OSER1: variants seen among roughly 807,000 people sequenced by gnomAD.
The protein encoded by OSER1 is oxidative stress-responsive serine-rich protein 1.
Under a neutral mutation model 26.3 loss-of-function variants are expected in OSER1, and 15 were observed. The ratio of observed to expected loss-of-function variants is 0.57; its 90% CI spans 0.38 to 0.88. The LOEUF (loss-of-function observed/expected upper bound fraction) is 0.88. Among genes scored for constraint, OSER1 ranks in the 40% least tolerant of loss-of-function variants. The pLI is 0.00. For missense variants in OSER1, 313 were observed against 353.9 expected (o/e 0.88, Z 0.93); for synonymous variants, 127 against 128.2 (o/e 0.99, Z 0.07).
intron 2 of OSER1, 123 bp downstream of exon 2, chr20:44,206,758 T>C: frequency 1.8e-6 from 1 of 567,206 alleles, no homozygotes; most frequent in Non-Finnish European, 3.2e-6. Context: ...TGTCGCACTA[T>C]TAGCATTTAT....
intron 3 of OSER1, among the ~76,000 whole-genome samples, chr20:44,200,388 A>C (rs1010540469): frequency 2.0e-5 from 3 of 152,180 alleles, no homozygotes; most frequent in Non-Finnish European, 2.9e-5. Flanking sequence ...GAATGTGTCC[A>C]CCAGCCAGGA....
At chr20:44,201,367 G>A (rs2072980217) in intron 3 of OSER1, among the ~76,000 whole-genome samples, 1 of 152,172 alleles carries the variant, frequency 6.6e-6, no homozygotes, top group Non-Finnish European at 1.5e-5. Context: ...ACAGATGATT[G>A]TTATTTACCA....
At chr20:44,203,116 A>C in intron 2 of OSER1, 42 bp from the exon 3 acceptor site, 1 of 1,028,016 alleles carries the variant, frequency 9.7e-7, no homozygotes, top group Non-Finnish European at 1.5e-6. Context: ...AAAACTGTAA[A>C]ATGAGGAGAA....
chr20:44,204,305 A>C (rs949109938), intron 2 of OSER1, among the ~76,000 whole-genome samples: 1 of 152,224 alleles, frequency 6.6e-6, no homozygotes, highest in East Asian at 1.9e-4. Context: ...CAATCCTCAG[A>C]TATCCCATTT....
intron 2 of OSER1, among the ~76,000 whole-genome samples, chr20:44,205,939 CAAAAAAAA>C (rs3037684): frequency 2.8e-5 from 2 of 71,716 alleles, no homozygotes; most frequent in South Asian, 5.0e-4. Flanking sequence ...GAATCCGTCT[CAAAAAAAA>C]AAAAAAAAAA....
chr20:44,197,351 C>G lies in OSER1; in HGVS notation c.580G>C (p.Gly194Arg), dbSNP rs897299819. 5 of 1,614,080 alleles carry G rather than the reference C, an allele frequency of 3.1e-6. No homozygotes were observed. The African/African-American group carries it at 6.7e-5, about 22-fold the overall frequency. ...TTGCCTATGCATGTGCATGGCTTGC[C>G]CTGGTTTAGCTTGGAAACTGATTGA... is the stretch of plus-strand genomic sequence containing the variant. Reference protein sequence around the residue: ...DFQSVSKLNQGKPCTCIGKEC... With the variant: ...DFQSVSKLNQRKPCTCIGKEC... The change falls in exon 4 of 4, where the codon GGC becomes CGC. Residue 194 changes from glycine (G) to arginine (R), a missense_variant. Physicochemically the swap from Gly to Arg is moderately radical, Grantham distance 125. Around this residue, in one of 2 missense-constraint regions of OSER1, gnomAD observed 300 missense variants for 318.3 expected, o/e 0.94. Coordinates refer to ENST00000255174, the MANE Select transcript of OSER1 (RefSeq NM_016470.8).
chr20:44,196,940 A>C lies in OSER1; in HGVS notation c.*112T>G, dbSNP rs2072924738. On this transcript the variant is annotated 3_prime_UTR_variant, in exon 4 of 4. Transcript: ENST00000255174. Reference sequence around the variant, plus strand: ...CAAGAAAAGTTTTTATTGCAAGCACAGTGAGCAGAAAGAGATGTCTTCTCA... The same window carrying C: ...CAAGAAAAGTTTTTATTGCAAGCACCGTGAGCAGAAAGAGATGTCTTCTCA... The C allele has an allele frequency of 1.4e-6, 1 of 723,676 alleles. No homozygotes were observed. The highest frequency in any genetic ancestry group is 2.3e-5 in the Admixed American group (1 of 43,302). The allele number at this position is 723,676 out of a possible 1,614,324, so 44.8% of individuals were successfully genotyped here.
At chr20:44,200,133 C>T (rs1205070110) in intron 3 of OSER1, among the ~76,000 whole-genome samples, 1 of 152,230 alleles carries the variant, frequency 6.6e-6, no homozygotes, top group Admixed American at 6.5e-5. Context: ...AGCGCCCGCA[C>T]TAGCTAACAT....
intron 2 of OSER1, among the ~76,000 whole-genome samples, chr20:44,204,046 T>G (rs754027355): frequency 3.2e-4 from 48 of 152,244 alleles, no homozygotes; most frequent in African/African-American, 1.1e-3. Context: ...AAGTATAGGC[T>G]ATCATGAACC....
intron 3 of OSER1, among the ~76,000 whole-genome samples, chr20:44,198,807 A>T (rs932391197): frequency 3.3e-5 from 5 of 152,178 alleles, no homozygotes; most frequent in African/African-American, 1.2e-4. Flanking sequence ...ACCTGCAGTC[A>T]ACCATGGTCT....
In OSER1 at chr20:44,197,477, T is replaced by C. The variant is rs200756351; in HGVS notation, c.454A>G (p.Thr152Ala). Reference protein sequence around the residue: ...HTGAVVEPLRTSVPRLPSESK... With the variant: ...HTGAVVEPLRASVPRLPSESK... Reference sequence around the variant, plus strand: ...TCTGATGGGAGCCTTGGAACAGAAGTTCTCAAAGGCTCAACGACTGCCCCT... The same window carrying C: ...TCTGATGGGAGCCTTGGAACAGAAGCTCTCAAAGGCTCAACGACTGCCCCT... The change falls in exon 4 of 4, where the codon ACT becomes GCT. Residue 152 changes from threonine (T) to alanine (A), a missense_variant. Thr to Ala is a moderately conservative substitution (Grantham distance 58). This residue lies in a region of OSER1 where 300 missense variants were observed against 318.3 expected (regional missense o/e 0.94). Coordinates refer to ENST00000255174, the MANE Select transcript of OSER1 (RefSeq NM_016470.8). The C allele has an allele frequency of 2.0e-5, 32 of 1,614,160 alleles. No individual in the cohort carries two copies. The East Asian group carries it at 7.1e-4, about 36-fold the overall frequency.
intron 1 of OSER1, among the ~76,000 whole-genome samples, chr20:44,207,850 CAG>C (rs2073054071): frequency 6.6e-6 from 1 of 152,102 alleles, no homozygotes; most frequent in African/African-American, 2.4e-5. Context: ...TATATTTAAA[CAG>C]AGAAAGGTAG....
chr20:44,208,113 C>T (rs982987489), intron 1 of OSER1, among the ~76,000 whole-genome samples: 1 of 132,384 alleles, frequency 7.6e-6, no homozygotes, highest in Non-Finnish European at 1.6e-5. Context: ...TACCCGCCCC[C>T]CCCCGCCCCC....
intron 1 of OSER1, among the ~76,000 whole-genome samples, chr20:44,209,812 T>TC (rs1265469122): frequency 6.6e-6 from 1 of 152,124 alleles, no homozygotes; most frequent in African/African-American, 2.4e-5. Context: ...GGTCTACACT[T>TC]CCAGGCCCCT....
chr20:44,209,288 A>G (rs1216532295), intron 1 of OSER1, among the ~76,000 whole-genome samples: 1 of 152,152 alleles, frequency 6.6e-6, no homozygotes, highest in Admixed American at 6.5e-5. Flanking sequence ...TGTCTAAACC[A>G]TTTTCAGACT....
intron 3 of OSER1, 102 bp from the exon 4 acceptor site, chr20:44,197,841 G>C: frequency 1.4e-6 from 1 of 697,492 alleles, no homozygotes; most frequent in East Asian, 2.7e-5. Flanking sequence ...AGCTTTATGA[G>C]TCTAAGCTCA....
Position 44,203,015 on chromosome 20 carries a change from G to A in OSER1, c.137C>T (p.Ala46Val). The A allele has an allele frequency of 1.2e-6, 2 of 1,613,492 alleles. No individual in the cohort carries two copies. The highest frequency in any genetic ancestry group is 2.2e-5 in the South Asian group (2 of 91,082). The stretch of plus-strand genomic sequence containing the variant: ...GGTTTTAGGTTTGGTATCATCTGTT[G>A]CTGTTCTGACTGGTGCTCTGACACC... The part of the protein sequence containing the change: ...GTGVRAPVRT[A>V]TDDTKPKTTC... Residue 46 changes from alanine (A) to valine (V), a missense_variant, in exon 3 of 4, where the codon GCA becomes GTA. By Grantham distance (64) the Ala-to-Val change is moderately conservative. Transcript: ENST00000255174.
intron 3 of OSER1, among the ~76,000 whole-genome samples, chr20:44,202,585 G>A (rs978722295): frequency 2.6e-5 from 4 of 151,994 alleles, no homozygotes; most frequent in Non-Finnish European, 4.4e-5. Flanking sequence ...AGAATTTAAA[G>A]GGAAAATAGA....
At chr20:44,202,566 C>T (rs948819102) in intron 3 of OSER1, among the ~76,000 whole-genome samples, 26 of 151,876 alleles carry the variant, frequency 1.7e-4, no homozygotes, top group Admixed American at 6.6e-5. Context: ...ATACATAAAG[C>T]AAAAACATAG....
Sources: allele counts gnomAD v4.1 joint callset (sites outside exome capture counted in the v4.1 genomes callset), GRCh38; gene constraint gnomAD v4.1.1; regional missense constraint gnomAD v4.1.1; transcripts MANE v1.5; gene names NCBI Gene and HGNC (gene_info 2026-07-23, HGNC 2026-07-21).